TAF8: variants seen among roughly 807,000 people sequenced by gnomAD.
TAF8 encodes TATA-box binding protein associated factor 8.
Under a neutral mutation model 36.5 loss-of-function variants are expected in TAF8, and 47 were observed. The ratio of observed to expected loss-of-function variants is 1.29; its 90% confidence interval spans 1.02 to 1.64. TAF8 has a LOEUF of 1.64. TAF8 is among the 40% of genes most tolerant of loss of function. The pLI, the probability that TAF8 is intolerant of heterozygous loss-of-function variation, is 0.00. For missense variants in TAF8, 420 were observed against 407.6 expected (o/e 1.03, Z -0.26); for synonymous variants, 175 against 159.5 (o/e 1.10, Z -0.73).
At chr6:42,061,855 A>G (rs971441602) in intron 5 of TAF8, among the ~76,000 whole-genome samples, 3 of 145,314 alleles carry the variant, frequency 2.1e-5, no homozygotes, top group African/African-American at 8.6e-5. Flanking sequence ...TTTGTCAAAT[A>G]TCAAAGGTTT....
chr6:42,072,747 G>A lies in TAF8; in HGVS notation c.780+4140G>A, dbSNP rs551414411. 4.6e-5 allele frequency among the ~76,000 whole-genome samples: 7 copies of A among 150,852 alleles called. No individual in the cohort carries two copies. The South Asian group carries it at 6.3e-4, about 14-fold the overall frequency. ...TTTGTTTGTTTTTTTTTTTGAGACC[G>A]AGTCTCGCTCTGTCACCCAGGCTGC... On this transcript the variant is annotated intron_variant, in intron 7 of 8. Coordinates refer to ENST00000372977, the MANE Select transcript of TAF8 (RefSeq NM_138572.3).
chr6:42,077,331 C>A (rs1435020533), intron 8 of TAF8, 92 bp downstream of exon 8: 1 of 1,519,984 alleles, frequency 6.6e-7, no homozygotes, highest in African/African-American at 1.4e-5. Flanking sequence ...TGGGGCGGAG[C>A]CTTGGGGAAA....
At chr6:42,056,091 G>A (rs1764978334) in intron 4 of TAF8, 77 bp downstream of exon 4, 1 of 952,202 alleles carries the variant, frequency 1.1e-6, no homozygotes, top group Admixed American at 1.8e-5. Flanking sequence ...ATATGGTAGG[G>A]ATTGGATTAG....
chr6:42,074,595 C>T (rs745905211), intron 7 of TAF8, among the ~76,000 whole-genome samples: 4 of 152,142 alleles, frequency 2.6e-5, no homozygotes, highest in Non-Finnish European at 5.9e-5. Flanking sequence ...AGTGCAGTGG[C>T]ACAATCTCGG....
rs958098835 is a variant in TAF8 at position 42,077,326 on chromosome 6, C to T, written c.920+87C>T. The T allele has an allele frequency of 2.3e-5, 35 of 1,526,468 alleles. No homozygotes were observed. In the African/African-American group the frequency reaches 3.6e-4, roughly 16 times the overall value. The allele number at this position is 1,526,468 out of a possible 1,614,324, so 94.6% of individuals were successfully genotyped here. On this transcript the variant is annotated intron_variant, in intron 8 of 8. Transcript: ENST00000372977. ...TCTTGGAAGAGTCTCCTCAGTGGGG[C>T]GGAGCCTTGGGGAAAGCCACTCTGG...
At chr6:42,086,803 A>G, downstream of TAF8, 2 of 1,507,806 alleles carry the variant, frequency 1.3e-6, no homozygotes, top group Non-Finnish European at 1.8e-6. Context: ...GAGAGCAGCC[A>G]CAAAGGTCAA....
chr6:42,070,369 G>A (rs1181924495), intron 7 of TAF8, among the ~76,000 whole-genome samples: 1 of 152,260 alleles, frequency 6.6e-6, no homozygotes, highest in African/African-American at 2.4e-5. Flanking sequence ...GCAGGCGCCT[G>A]TAGTCCCAGC....
intron 2 of TAF8, 149 bp downstream of exon 2, chr6:42,051,662 A>G: frequency 1.2e-6 from 1 of 843,102 alleles, no homozygotes; most frequent in Non-Finnish European, 1.8e-6. Flanking sequence ...AAGTTGAGAA[A>G]AGAAAACAGC....
In TAF8 at chr6:42,050,572, G is replaced by T. The variant is rs1015767224; in HGVS notation, c.31G>T (p.Gly11Cys). 1.3e-6 allele frequency: 2 copies of T among 1,552,292 alleles called. No homozygotes were observed. The highest frequency in any genetic ancestry group is 1.7e-6 in the Non-Finnish European group (2 of 1,148,326). MADAAATAGA[G>C]GSGTRSGSKQ... ...CGACGCGGCGGCCACAGCTGGGGCCGGTGGCTCCGGAACGGTAAGGGCAGG... is the reference window on the plus strand; with the variant it reads ...CGACGCGGCGGCCACAGCTGGGGCCTGTGGCTCCGGAACGGTAAGGGCAGG... Residue 11 changes from glycine to cysteine, a missense_variant, in exon 1 of 9, where the codon GGT becomes TGT. Coordinates refer to ENST00000372977, the MANE Select transcript of TAF8 (RefSeq NM_138572.3).
rs777669969 is a variant in TAF8, at chr6:42,068,597, A to T, written c.770A>T (p.His257Leu). The T allele has an allele frequency of 5.0e-6, 8 of 1,613,176 alleles. No individual in the cohort carries two copies. The South Asian group carries it at 8.8e-5, about 18-fold the overall frequency. Residue 257 changes from histidine (H) to leucine (L), a missense_variant, in exon 7 of 9, where the codon CAT becomes CTT. By Grantham distance (99) the His-to-Leu change is moderately conservative. Transcript: ENST00000372977. The stretch of plus-strand genomic sequence containing the variant: ...ACAGACACAGAGAACCTTGCTCTTC[A>T]TATCAGCATGGTGGGTTCCACCTTC... ...EQTDTENLALHISMEDSGAEK... is the reference protein window; with the variant it reads ...EQTDTENLALLISMEDSGAEK...
downstream of TAF8, chr6:42,086,622 C>T (rs146348936): frequency 9.0e-5 from 109 of 1,206,642 alleles, no homozygotes; most frequent in East Asian, 2.7e-3. Flanking sequence ...TGCGGCACCC[C>T]CTCTCCAATG....
downstream of TAF8, chr6:42,087,085 T>C: frequency 1.1e-5 from 4 of 368,956 alleles, no homozygotes; most frequent in Non-Finnish European, 2.0e-5. Context: ...GAAGCCTTCC[T>C]CTGGCTTCAC....
chr6:42,081,581 G>A lies in TAF8; in HGVS notation c.*4036G>A, dbSNP rs1336473873. The stretch of plus-strand genomic sequence containing the variant: ...AGATGGAGTTTCACTGCATTAGCCA[G>A]GATGGTCTCGATCTCCTGACCTCAT... On this transcript the variant is annotated 3_prime_UTR_variant, in exon 9 of 9. Transcript: ENST00000372977. 6.6e-6 allele frequency: 1 copy of A among 152,182 alleles called. No individual in the cohort carries two copies. 9.4% of individuals were successfully genotyped at this position (152,182 alleles called of 1,614,324 possible). A position where few individuals can be genotyped will look rare whatever the true frequency, so the allele number is the denominator to read the frequency against.
At position 42,079,390 on chromosome 6, in the gene TAF8, C is replaced by T; in HGVS notation, c.*1845C>T. ...AGAAAACAAGTTTTTAAGGAAGATG[C>T]TGGGCATGCTGATAGCTTTTCTGGT... On this transcript the variant is annotated 3_prime_UTR_variant, in exon 9 of 9. Transcript: ENST00000372977. 1.0e-6 allele frequency: 1 copy of T among 985,396 alleles called. No homozygotes were observed. Among genetic ancestry groups the T allele is most frequent in the Non-Finnish European group, 1.2e-6 (1 of 829,916 alleles). The allele number at this position is 985,396 out of a possible 1,614,324, so 61.0% of individuals were successfully genotyped here.
chr6:42,051,635 A>G (rs922939505), intron 2 of TAF8, 122 bp downstream of exon 2: 3 of 1,199,066 alleles, frequency 2.5e-6, no homozygotes, highest in Middle Eastern at 2.9e-4. Flanking sequence ...GAGAAAAAAA[A>G]TTTTTTTTAA....
intron 7 of TAF8, among the ~76,000 whole-genome samples, chr6:42,073,314 G>A (rs902860851): frequency 6.6e-6 from 1 of 152,196 alleles, no homozygotes; most frequent in Non-Finnish European, 1.5e-5. Flanking sequence ...CACCTAGTAT[G>A]TGCCAGATAT....
downstream of TAF8, chr6:42,083,351 CTCTGT>C (rs1389792033): frequency 2.0e-5 from 3 of 152,186 alleles, no homozygotes; most frequent in East Asian, 5.8e-4. Context: ...GTTTCCAGCC[CTCTGT>C]TCTTTCAAGC....
At position 42,077,707 on chromosome 6, in the gene TAF8, T is replaced by A; in HGVS notation, c.*162T>A. On this transcript the variant is annotated 3_prime_UTR_variant, in exon 9 of 9. Transcript: ENST00000372977. ...GGCAAACCGTCTTATTAAGATGACC[T>A]ATTTTCACTGGATGTTTGGGTTGAG... The A allele has an allele frequency of 6.8e-7, 1 of 1,472,868 alleles. No homozygotes were observed. Among genetic ancestry groups the A allele is most frequent in the Non-Finnish European group, 9.0e-7 (1 of 1,115,688 alleles). The allele number at this position is 1,472,868 out of a possible 1,614,324, so 91.2% of individuals were successfully genotyped here.
chr6:42,051,508 A>C lies in TAF8; in HGVS notation c.197A>C (p.Gln66Pro). ...GTGGAAACGCTGACAGAGATGCTGC[A>C]GAGCTGTGAGTACATGGAAACACTT... ...ASVETLTEML[Q>P]SYISEIGRSA... The change falls in exon 2 of 9, where the codon CAG becomes CCG. Residue 66 changes from glutamine to proline, a missense_variant. Physicochemically the swap from Gln to Pro is moderately conservative, Grantham distance 76 (BLOSUM62 -1). Transcript: ENST00000372977. 2.5e-6 allele frequency: 4 copies of C among 1,613,948 alleles called. No individual in the cohort carries two copies. Among genetic ancestry groups the C allele is most frequent in the Non-Finnish European group, 3.4e-6 (4 of 1,179,966 alleles).
Sources: gnomAD v4.1 joint callset for allele counts (sites outside exome capture counted in the v4.1 genomes callset) on GRCh38, gnomAD v4.1.1 for gene constraint, MANE v1.5 for transcripts, NCBI Gene and HGNC (gene_info 2026-07-23, HGNC 2026-07-21) for gene names.